BICC1: variants seen among roughly 807,000 people sequenced by gnomAD.
BICC1 encodes the protein BicC family RNA binding protein 1.
BICC1 carries 43 observed loss-of-function variants against 111.0 expected under a neutral mutation model. That is an observed-to-expected ratio of 0.39 (90% confidence interval 0.30 to 0.50). The LOEUF (loss-of-function observed/expected upper bound fraction) is 0.50, where lower values mean the gene tolerates loss of function less well. Ranked by LOEUF, BICC1 falls within the 20% of genes least tolerant of loss-of-function variation. The probability of loss-of-function intolerance (pLI) is 0.88; values close to 1 mark genes in which losing one functional copy is unlikely to be tolerated. For synonymous variants in BICC1, 467 were observed against 434.4 expected (o/e 1.07, Z -0.93); for missense variants, 1,091 against 1,203.2 (o/e 0.91, Z 1.38).
chr10:58,647,465 A>G (rs908817116), intron 2 of BICC1, among the ~76,000 whole-genome samples: 1 of 152,154 alleles, frequency 6.6e-6, no homozygotes, highest in Non-Finnish European at 1.5e-5. Context: ...ATAATTCATG[A>G]GTTTCAGAAG....
chr10:58,549,873 A>C (rs1470491218), intron 1 of BICC1, among the ~76,000 whole-genome samples: 1 of 151,588 alleles, frequency 6.6e-6, no homozygotes, highest in Non-Finnish European at 1.5e-5. Context: ...TTTTTAGTAG[A>C]GACGGGTTTT....
intron 8 of BICC1, among the ~76,000 whole-genome samples, chr10:58,791,049 G>T (rs1843160707): frequency 6.6e-6 from 1 of 152,082 alleles, no homozygotes; most frequent in Non-Finnish European, 1.5e-5. Flanking sequence ...TTTTATTGTT[G>T]ATTCCATTCC....
At chr10:58,566,188 A>G (rs760255047) in intron 1 of BICC1, among the ~76,000 whole-genome samples, 2 of 150,880 alleles carry the variant, frequency 1.3e-5, no homozygotes, top group African/African-American at 2.5e-5. Flanking sequence ...ACACGTGTGT[A>G]TATGTGTGTA....
intron 1 of BICC1, among the ~76,000 whole-genome samples, chr10:58,587,499 G>A (rs946714562): frequency 1.3e-5 from 2 of 152,128 alleles, no homozygotes. Flanking sequence ...GCATAATAAA[G>A]CTCAAAATTG....
chr10:58,606,885 G>A (rs1330467322), intron 1 of BICC1, among the ~76,000 whole-genome samples: 1 of 151,930 alleles, frequency 6.6e-6, no homozygotes, highest in Non-Finnish European at 1.5e-5. Flanking sequence ...CTGGAAATTC[G>A]GTTAGTTGGT....
chr10:58,562,723 T>G (rs1369422048), intron 1 of BICC1, among the ~76,000 whole-genome samples: 2 of 147,922 alleles, frequency 1.4e-5, no homozygotes, highest in Non-Finnish European at 3.0e-5. Context: ...GCTCACTGCT[T>G]CTGATTTTAT....
chr10:58,707,782 C>T (rs980010410), intron 3 of BICC1, among the ~76,000 whole-genome samples: 1 of 152,028 alleles, frequency 6.6e-6, no homozygotes, highest in Non-Finnish European at 1.5e-5. Flanking sequence ...ACCGCAACCT[C>T]CACCTCCTGG....
chr10:58,781,056 A>G (rs1842870982), intron 3 of BICC1, among the ~76,000 whole-genome samples: 1 of 152,120 alleles, frequency 6.6e-6, no homozygotes, highest in Non-Finnish European at 1.5e-5. Context: ...ACAGCTTCCT[A>G]TTACTTAGAG....
chr10:58,621,970 A>AACAGAACAGAACAACAG (rs1845832587), intron 2 of BICC1, among the ~76,000 whole-genome samples: 7 of 133,850 alleles, frequency 5.2e-5, no homozygotes, highest in South Asian at 2.5e-4. Context: ...AGAATAGAAT[A>AACAGAACAGAACAACAG]ATCCAGCCTG....
At chr10:58,688,432 C>T (rs193009861) in intron 2 of BICC1, among the ~76,000 whole-genome samples, 19 of 152,168 alleles carry the variant, frequency 1.2e-4, no homozygotes, top group Non-Finnish European at 2.1e-4. Flanking sequence ...CTGATTGGTG[C>T]GTTTACAATC....
chr10:58,597,548 C>A (rs1844856441), intron 1 of BICC1, among the ~76,000 whole-genome samples: 1 of 152,062 alleles, frequency 6.6e-6, no homozygotes, highest in African/African-American at 2.4e-5. Flanking sequence ...GAGCAGAGAA[C>A]CAGTGTGACC....
At chr10:58,821,268 C>T (rs951266390) in intron 20 of BICC1, among the ~76,000 whole-genome samples, 4 of 152,054 alleles carry the variant, frequency 2.6e-5, no homozygotes, top group Admixed American at 6.6e-5. Context: ...ATATGTGTCC[C>T]AGTCTCAGAA....
chr10:58,523,890 A>G (rs1034548490), intron 1 of BICC1, among the ~76,000 whole-genome samples: 1 of 152,212 alleles, frequency 6.6e-6, no homozygotes, highest in African/African-American at 2.4e-5. Flanking sequence ...AAAAATCACA[A>G]GCATTCTTAT....
intron 1 of BICC1, among the ~76,000 whole-genome samples, chr10:58,530,842 G>A (rs567821179): frequency 6.6e-6 from 1 of 151,914 alleles, no homozygotes; most frequent in African/African-American, 2.4e-5. Flanking sequence ...TCTGCAGTCA[G>A]CAAGATGGAG....
Position 58,513,089 on chromosome 10 carries a change from G to T in BICC1, c.-55G>T, listed in dbSNP as rs1469817958. On this transcript the variant is annotated 5_prime_UTR_variant, in exon 1 of 21. Transcript: ENST00000373886. ...TTGAGCCCGGCCGGCGAGCGGAGGCGGCAGCGCAGGCAGAGCGGCGGCGGC... is the reference window on the plus strand; with the variant it reads ...TTGAGCCCGGCCGGCGAGCGGAGGCTGCAGCGCAGGCAGAGCGGCGGCGGC... The T allele has an allele frequency of 4.7e-6, 6 of 1,282,590 alleles. No individual in the cohort carries two copies. The highest frequency in any genetic ancestry group is 3.0e-4 in the Middle Eastern group (1 of 3,378). 79.5% of individuals were successfully genotyped at this position (1,282,590 alleles called of 1,614,324 possible). A position where few individuals can be genotyped will look rare whatever the true frequency, so the allele number is the denominator to read the frequency against.
intron 3 of BICC1, among the ~76,000 whole-genome samples, chr10:58,772,276 A>G (rs1842639922): frequency 6.6e-6 from 1 of 152,150 alleles, no homozygotes; most frequent in African/African-American, 2.4e-5. Context: ...TAAAATACAC[A>G]AGATTTTTTT....
At chr10:58,787,189 A>G (rs531603278) in intron 5 of BICC1, 108 bp downstream of exon 5, 2 of 990,274 alleles carry the variant, frequency 2.0e-6, no homozygotes, top group African/African-American at 1.7e-5. Flanking sequence ...AAAAAATCAC[A>G]TAGATGACAT....
At chr10:58,790,025 G>A (rs1175471803) in intron 8 of BICC1, 92 bp downstream of exon 8, 96 of 1,415,244 alleles carry the variant, frequency 6.8e-5, no homozygotes, top group Non-Finnish European at 9.1e-5. Context: ...TGATATTTAG[G>A]AAAGCACTTC....
chr10:58,598,268 C>T (rs1005216432), intron 1 of BICC1, among the ~76,000 whole-genome samples: 1 of 152,078 alleles, frequency 6.6e-6, no homozygotes, highest in African/African-American at 2.4e-5. Context: ...TACCACAAAA[C>T]GACAGTAACT....
Sources: allele counts gnomAD v4.1 joint callset (sites outside exome capture counted in the v4.1 genomes callset), GRCh38; gene constraint gnomAD v4.1.1; transcripts MANE v1.5; gene names NCBI Gene and HGNC (gene_info 2026-07-23, HGNC 2026-07-21).